Variants in UBE2E2 observed in about 807,000 individuals in gnomAD.
UBE2E2 encodes ubiquitin conjugating enzyme E2 E2.
A neutral mutation model predicts 24.7 loss-of-function variants in UBE2E2; 6 were observed. That is an observed-to-expected ratio of 0.24 (90% CI 0.13 to 0.48). The LOEUF is 0.48. Ranked by LOEUF, UBE2E2 falls within the 20% of genes least tolerant of loss-of-function variation. UBE2E2 has a pLI of 0.99. For missense variants in UBE2E2, 169 were observed against 245.0 expected (o/e 0.69, Z 2.07); for synonymous variants, 104 against 83.6 (o/e 1.24, Z -1.33).
intron 2 of UBE2E2, among the ~76,000 whole-genome samples, chr3:23,214,010 T>C (rs1032537221): frequency 6.6e-6 from 1 of 152,174 alleles, no homozygotes; most frequent in Non-Finnish European, 1.5e-5. Flanking sequence ...ATTGAATTGC[T>C]GTCATTCAAA....
At chr3:23,307,074 T>A (rs1474420239) in intron 3 of UBE2E2, among the ~76,000 whole-genome samples, 1 of 152,204 alleles carries the variant, frequency 6.6e-6, no homozygotes, top group Non-Finnish European at 1.5e-5. Context: ...CGATATTATT[T>A]ATAATTCAAA....
chr3:23,270,400 A>G (rs1455206256), intron 3 of UBE2E2, among the ~76,000 whole-genome samples: 1 of 151,988 alleles, frequency 6.6e-6, no homozygotes, highest in Non-Finnish European at 1.5e-5. Flanking sequence ...ACTCTTTTGT[A>G]TGAGAGCCCC....
At chr3:23,437,838 C>G (rs1388608602) in intron 3 of UBE2E2, among the ~76,000 whole-genome samples, 1 of 152,172 alleles carries the variant, frequency 6.6e-6, no homozygotes, top group African/African-American at 2.4e-5. Flanking sequence ...GCATTGTGTG[C>G]CGCACACAGG....
downstream of UBE2E2, chr3:23,591,871 T>A (rs910553817): frequency 6.6e-6 from 1 of 152,264 alleles, no homozygotes; most frequent in African/African-American, 2.4e-5. Flanking sequence ...CTTCAGATTT[T>A]AAAATTCAGC....
At chr3:23,326,368 G>C (rs1369328928) in intron 3 of UBE2E2, among the ~76,000 whole-genome samples, 1 of 152,160 alleles carries the variant, frequency 6.6e-6, no homozygotes, top group East Asian at 1.9e-4. Flanking sequence ...ACCGTGCCTG[G>C]CCATCTGTAA....
intron 3 of UBE2E2, among the ~76,000 whole-genome samples, chr3:23,470,116 T>TA (rs941235009): frequency 6.6e-6 from 1 of 152,186 alleles, no homozygotes; most frequent in African/African-American, 2.4e-5. Flanking sequence ...AGCAATCAGA[T>TA]ATGGAGGCCG....
At chr3:23,437,434 A>G (rs1180398689) in intron 3 of UBE2E2, among the ~76,000 whole-genome samples, 1 of 152,204 alleles carries the variant, frequency 6.6e-6, no homozygotes, top group African/African-American at 2.4e-5. Flanking sequence ...GGAGTATTTT[A>G]ATAGATTAGG....
chr3:23,483,605 A>C (rs758117930), intron 3 of UBE2E2, among the ~76,000 whole-genome samples: 6 of 152,208 alleles, frequency 3.9e-5, no homozygotes, highest in African/African-American at 1.2e-4. Flanking sequence ...GTGCCTATCA[A>C]ACTTTTAATG....
At chr3:23,449,058 G>A (rs1031491730) in intron 3 of UBE2E2, among the ~76,000 whole-genome samples, 9 of 152,064 alleles carry the variant, frequency 5.9e-5, no homozygotes, top group Non-Finnish European at 1.2e-4. Context: ...GGTATACTAT[G>A]GCATGCCATT....
chr3:23,427,114 A>G (rs1173355132), intron 3 of UBE2E2, among the ~76,000 whole-genome samples: 3 of 151,924 alleles, frequency 2.0e-5, no homozygotes, highest in African/African-American at 4.8e-5. Flanking sequence ...TAGGAGAATC[A>G]TTTTTCAAAA....
At chr3:23,456,185 T>G (rs1559388979) in intron 3 of UBE2E2, among the ~76,000 whole-genome samples, 1 of 152,240 alleles carries the variant, frequency 6.6e-6, no homozygotes. Context: ...TCAATATCTT[T>G]AGGCTCCACT....
At chr3:23,587,865 A>C (rs779175471) in intron 5 of UBE2E2, among the ~76,000 whole-genome samples, 9 of 152,232 alleles carry the variant, frequency 5.9e-5, no homozygotes, top group Non-Finnish European at 1.3e-4. Flanking sequence ...GCAGAGAGGC[A>C]AACGTTTCGA....
chr3:23,507,916 A>G (rs764299616), intron 4 of UBE2E2, among the ~76,000 whole-genome samples: 1 of 152,208 alleles, frequency 6.6e-6, no homozygotes, highest in Non-Finnish European at 1.5e-5. Flanking sequence ...ATATGTTTCT[A>G]ATTCACAGAC....
intron 3 of UBE2E2, among the ~76,000 whole-genome samples, chr3:23,424,610 G>T (rs778493): frequency 0.24 from 37,169 of 151,908 alleles, 5,207 homozygotes; most frequent in Non-Finnish European, 0.31. Context: ...CCAGGCATAA[G>T]GTTTCATTTA....
At chr3:23,236,641 A>G (rs1697121529) in intron 3 of UBE2E2, among the ~76,000 whole-genome samples, 1 of 152,150 alleles carries the variant, frequency 6.6e-6, no homozygotes, top group Non-Finnish European at 1.5e-5. Flanking sequence ...TCTGGAACAC[A>G]TAATTAAGTG....
intron 3 of UBE2E2, among the ~76,000 whole-genome samples, chr3:23,354,018 G>A (rs1470924855): frequency 6.6e-6 from 1 of 152,166 alleles, no homozygotes; most frequent in Non-Finnish European, 1.5e-5. Context: ...AAAGCAGCAT[G>A]GTACTGGTAC....
chr3:23,224,726 T>A (rs1696769949), intron 3 of UBE2E2, among the ~76,000 whole-genome samples: 1 of 152,212 alleles, frequency 6.6e-6, no homozygotes, highest in African/African-American at 2.4e-5. Context: ...TACCACATTT[T>A]ATTTTTCTTC....
chr3:23,335,127 A>G (rs1037977492), intron 3 of UBE2E2, among the ~76,000 whole-genome samples: 1 of 152,148 alleles, frequency 6.6e-6, no homozygotes, highest in Admixed American at 6.5e-5. Context: ...GTGCTTTCAA[A>G]TGGGTTATTT....
intron 3 of UBE2E2, among the ~76,000 whole-genome samples, chr3:23,272,287 G>A (rs138373445): frequency 2.1e-4 from 32 of 151,402 alleles, no homozygotes; most frequent in East Asian, 4.0e-4. Flanking sequence ...GGGGCCGGCC[G>A]GCTTCTCTGA....
Sources: allele counts gnomAD v4.1 joint callset (sites outside exome capture counted in the v4.1 genomes callset), GRCh38; gene constraint gnomAD v4.1.1; transcripts MANE v1.5; gene names NCBI Gene and HGNC (gene_info 2026-07-23, HGNC 2026-07-21).